Variants in TMEM178B observed in about 807,000 individuals in gnomAD.
TMEM178B encodes the protein transmembrane protein 178B.
A neutral mutation model predicts 31.0 loss-of-function variants in TMEM178B; 5 were observed. That is an observed-to-expected ratio of 0.16 (90% CI 0.08 to 0.34). The LOEUF is 0.34. TMEM178B is among the 10% of genes least tolerant of loss of function. The pLI is 1.00. For missense variants in TMEM178B, 275 were observed against 400.3 expected, an observed-to-expected ratio of 0.69 and a Z score of 2.67; for synonymous variants, 164 against 164.0, an observed-to-expected ratio of 1.00 and a Z score of 0.00.
At position 141,437,476 on chromosome 7, in the gene TMEM178B, T is replaced by C; in HGVS notation, c.497-132T>C. On this transcript the variant is annotated intron_variant, in intron 2 of 3. Transcript: ENST00000565468. The stretch of plus-strand genomic sequence containing the variant: ...CCTCTGCAAAGATTGTGTGCTCCTA[T>C]CTGAGAAGGGCAGGTTGCCTTCCTG... 8 of 1,207,146 alleles carry C rather than the reference T, an allele frequency of 6.6e-6. No individual in the cohort carries two copies. In the South Asian group the frequency reaches 1.2e-4, roughly 18 times the overall value. The allele number at this position is 1,207,146 out of a possible 1,614,324, so 74.8% of individuals were successfully genotyped here.
chr7:141,247,707 G>C (rs1290046484), intron 2 of TMEM178B, among the ~76,000 whole-genome samples: 3 of 152,164 alleles, frequency 2.0e-5, no homozygotes. Flanking sequence ...TGTAATACCA[G>C]GGCATATCAG....
At chr7:141,228,743 C>T (rs888796925) in intron 2 of TMEM178B, among the ~76,000 whole-genome samples, 19 of 152,228 alleles carry the variant, frequency 1.2e-4, no homozygotes, top group African/African-American at 4.6e-4. Flanking sequence ...CAGCTGTCTC[C>T]CCGGCTTGTA....
chr7:141,268,914 A>G (rs899701136), intron 2 of TMEM178B, among the ~76,000 whole-genome samples: 1 of 152,128 alleles, frequency 6.6e-6, no homozygotes, highest in African/African-American at 2.4e-5. Context: ...AAAGTTAACA[A>G]AGCTTTAGCA....
rs565862260 is a variant in TMEM178B, at chr7:141,367,031, G to A, written c.497-70577G>A. ...GACAGCTGCTTATTTATGTCCCTCC[G>A]TTGTTTGTTGAGGGATTGTGCTGCT... On this transcript the variant is annotated intron_variant, in intron 2 of 3. Transcript: ENST00000565468. Among the ~76,000 whole-genome samples, 40 of 131,152 alleles carry A rather than the reference G, an allele frequency of 3.0e-4. No individual in the cohort carries two copies. In the East Asian group the frequency reaches 7.6e-3, roughly 25 times the overall value. 86.0% of individuals were successfully genotyped at this position (131,152 alleles called of 152,430 possible). A position where few individuals can be genotyped will look rare whatever the true frequency, so the allele number is the denominator to read the frequency against.
intron 1 of TMEM178B, among the ~76,000 whole-genome samples, chr7:141,081,317 C>T (rs1475270618): frequency 6.6e-6 from 1 of 151,896 alleles, no homozygotes; most frequent in East Asian, 1.9e-4. Flanking sequence ...ATTTTATAAA[C>T]AGAAAAAAGC....
At chr7:141,438,938 A>G (rs1487088223) in intron 3 of TMEM178B, among the ~76,000 whole-genome samples, 1 of 151,924 alleles carries the variant, frequency 6.6e-6, no homozygotes, top group Non-Finnish European at 1.5e-5. Context: ...TAAGTCCTGC[A>G]TTTAGAAACA....
At chr7:141,167,542 A>C (rs1796281705) in intron 1 of TMEM178B, among the ~76,000 whole-genome samples, 1 of 152,224 alleles carries the variant, frequency 6.6e-6, no homozygotes, top group Admixed American at 6.5e-5. Flanking sequence ...CCGTGTACAA[A>C]GGGCCTGGAT....
chr7:141,461,277 T>C lies in TMEM178B; in HGVS notation c.635-9259T>C, dbSNP rs1285251654. 6.6e-6 allele frequency among the ~76,000 whole-genome samples: 1 copy of C among 152,164 alleles called. No homozygotes were observed. The highest frequency in any genetic ancestry group is 1.5e-5 in the Non-Finnish European group (1 of 68,018). ...CTGCAGAGCCTGCCTTGCAGCGACC[T>C]GTAGGGCTCCAGTCAGAACATAGGC... On this transcript the variant is annotated intron_variant, in intron 3 of 3. Transcript: ENST00000565468. The surrounding 1 kb of genome is among the most constrained non-coding windows in gnomAD (Gnocchi z 4.0).
intron 1 of TMEM178B, among the ~76,000 whole-genome samples, chr7:141,152,356 G>T (rs764739089): frequency 6.6e-6 from 1 of 152,198 alleles, no homozygotes; most frequent in African/African-American, 2.4e-5. Flanking sequence ...GTCTCTGGGA[G>T]GAAGGGCCTC....
intron 2 of TMEM178B, among the ~76,000 whole-genome samples, chr7:141,293,058 T>C (rs1251283280): frequency 6.6e-6 from 1 of 152,158 alleles, no homozygotes; most frequent in Admixed American, 6.5e-5. Flanking sequence ...CAGAGACCTA[T>C]AGGTCCACCG....
chr7:141,238,741 T>C (rs1425402992), intron 2 of TMEM178B, among the ~76,000 whole-genome samples: 1 of 152,238 alleles, frequency 6.6e-6, no homozygotes, highest in Non-Finnish European at 1.5e-5. Flanking sequence ...CCACTGTTTA[T>C]GCGGATCTAG....
intron 2 of TMEM178B, among the ~76,000 whole-genome samples, chr7:141,376,683 G>A (rs1254045452): frequency 2.6e-5 from 4 of 152,134 alleles, no homozygotes; most frequent in Admixed American, 6.5e-5. Context: ...AAGTAATGGC[G>A]TTCTTGATAT....
chr7:141,243,910 G>T (rs1797683962), intron 2 of TMEM178B, among the ~76,000 whole-genome samples: 1 of 152,108 alleles, frequency 6.6e-6, no homozygotes, highest in Non-Finnish European at 1.5e-5. Context: ...ATCCACCACT[G>T]AATACCCCTG....
the TMEM178B span, among the ~76,000 whole-genome samples, chr7:141,496,346 T>C: frequency 3.3e-5 from 5 of 152,190 alleles, no homozygotes; most frequent in Admixed American, 6.5e-5. Flanking sequence ...AGGATCTTTC[T>C]CCTTGGCATG....
In TMEM178B at chr7:141,145,697, C is replaced by T. The variant is rs116980402; in HGVS notation, c.383-66894C>T. Reference sequence around the variant, plus strand: ...GCCCCTTCCTGGGAAAGTCTGATTCCGTAGATCTGAAGTAGATAGTTTTAG... The same window carrying T: ...GCCCCTTCCTGGGAAAGTCTGATTCTGTAGATCTGAAGTAGATAGTTTTAG... On this transcript the variant is annotated intron_variant, in intron 1 of 3. Transcript: ENST00000565468. Among the ~76,000 whole-genome samples the T allele has an allele frequency of 1.2e-4, 18 of 152,248 alleles. No homozygotes were observed. In the East Asian group the frequency reaches 2.5e-3, roughly 21 times the overall value.
chr7:141,383,077 C>G (rs558917094), intron 2 of TMEM178B, among the ~76,000 whole-genome samples: 1 of 152,158 alleles, frequency 6.6e-6, no homozygotes, highest in Non-Finnish European at 1.5e-5. Flanking sequence ...TGCAGCCCAA[C>G]CTTTACTTCC....
chr7:141,304,740 C>A (rs1798787998), intron 2 of TMEM178B, among the ~76,000 whole-genome samples: 1 of 152,180 alleles, frequency 6.6e-6, no homozygotes, highest in Non-Finnish European at 1.5e-5. Flanking sequence ...CACTTCACCC[C>A]ATCTGACCAC....
intron 2 of TMEM178B, among the ~76,000 whole-genome samples, chr7:141,305,827 T>G (rs995853865): frequency 1.3e-5 from 2 of 152,196 alleles, no homozygotes; most frequent in Non-Finnish European, 2.9e-5. Flanking sequence ...TAACCCTTTC[T>G]CGAGGTTATC....
chr7:141,450,861 G>A (rs1301139749), intron 3 of TMEM178B, among the ~76,000 whole-genome samples: 1 of 152,158 alleles, frequency 6.6e-6, no homozygotes, highest in Admixed American at 6.5e-5. Context: ...AAACAAGCTT[G>A]GAGTCATGCA....
Sources: allele counts gnomAD v4.1 joint callset (sites outside exome capture counted in the v4.1 genomes callset), GRCh38; gene constraint gnomAD v4.1.1; non-coding constraint Gnocchi (gnomAD v3.1); transcripts MANE v1.5; gene names NCBI Gene and HGNC (gene_info 2026-07-23, HGNC 2026-07-21).